SLC39A12: variants seen among roughly 807,000 people sequenced by gnomAD.
SLC39A12 encodes solute carrier family 39 member 12, also known as zinc transporter ZIP12.
In SLC39A12, 63 loss-of-function variants were observed where a neutral mutation model predicts 71.1. The ratio of observed to expected loss-of-function variants is 0.89; its 90% CI spans 0.72 to 1.09. SLC39A12 has a LOEUF of 1.09. SLC39A12 is among the 50% of genes least tolerant of loss of function. SLC39A12 has a pLI of 0.00. For synonymous variants in SLC39A12, 351 were observed against 301.3 expected (o/e 1.16, Z -1.71); for missense variants, 892 against 812.6 (o/e 1.10, Z -1.19).
chr10:18,037,120 A>C (rs1837074655), intron 12 of SLC39A12, among the ~76,000 whole-genome samples: 2 of 151,756 alleles, frequency 1.3e-5, no homozygotes, highest in South Asian at 4.2e-4. Flanking sequence ...TCTTTCCAAA[A>C]TTTTTTGGAC....
chr10:17,986,480 A>T (rs1835400937), intron 6 of SLC39A12, among the ~76,000 whole-genome samples: 1 of 152,120 alleles, frequency 6.6e-6, no homozygotes, highest in Admixed American at 6.5e-5. Context: ...TGGTTCATGG[A>T]CTGGTGAAGG....
At chr10:18,040,555 A>C (rs1837194487) in intron 12 of SLC39A12, among the ~76,000 whole-genome samples, 2 of 152,230 alleles carry the variant, frequency 1.3e-5, no homozygotes, top group South Asian at 4.1e-4. Context: ...GGATCACCTG[A>C]GGTCAGGAGT....
chr10:17,961,913 A>G (rs1834702134), intron 3 of SLC39A12, 51 bp downstream of exon 3: 1 of 1,522,960 alleles, frequency 6.6e-7, no homozygotes, highest in Non-Finnish European at 8.8e-7. Context: ...ACAGTTCTAG[A>G]GCCTTATTGT....
chr10:18,005,990 G>C (rs1045785237), intron 12 of SLC39A12, among the ~76,000 whole-genome samples: 18 of 152,112 alleles, frequency 1.2e-4, no homozygotes, highest in East Asian at 3.8e-4. Context: ...TTTTCTCTGG[G>C]GCCATGCCAA....
Position 17,978,041 on chromosome 10 carries a change from A to G in SLC39A12, c.891A>G (p.Lys297=). 1 of 1,605,254 alleles carries G rather than the reference A, an allele frequency of 6.2e-7. No individual in the cohort carries two copies. Among genetic ancestry groups the G allele is most frequent in the African/African-American group, 1.3e-5 (1 of 74,496 alleles). The change falls in exon 5 of 13, where the codon AAA becomes AAG. Residue 297 remains lysine, a synonymous_variant. Coordinates refer to ENST00000377369, the MANE Select transcript of SLC39A12 (RefSeq NM_001145195.2). ...DYSNFSSSME[K]ESEDGPVSWD... is the part of the protein sequence containing the mutation. ...CTAATTTCTCTTCATCCATGGAAAA[A>G]GAGTCTGAGGATGGTCCAGTTTCCT...
At chr10:18,011,009 T>C (rs1413556084) in intron 12 of SLC39A12, among the ~76,000 whole-genome samples, 1 of 152,204 alleles carries the variant, frequency 6.6e-6, no homozygotes, top group Non-Finnish European at 1.5e-5. Flanking sequence ...TTCGTTTCTC[T>C]TTTCTTCTTT....
intron 7 of SLC39A12, among the ~76,000 whole-genome samples, chr10:17,990,159 C>G (rs769024220): frequency 6.6e-6 from 1 of 152,000 alleles, no homozygotes; most frequent in South Asian, 2.1e-4. Flanking sequence ...TACAAATGTT[C>G]CCTATTTTGT....
chr10:18,030,196 T>C (rs1836799203), intron 12 of SLC39A12, among the ~76,000 whole-genome samples: 2 of 152,176 alleles, frequency 1.3e-5, no homozygotes, highest in Admixed American at 6.5e-5. Flanking sequence ...AGAATCTCCT[T>C]GAACTTTTTT....
chr10:17,977,800 G>T (rs1232123616), intron 4 of SLC39A12, 102 bp from the exon 5 acceptor site: 4 of 904,328 alleles, frequency 4.4e-6, no homozygotes, highest in Non-Finnish European at 4.6e-6. Flanking sequence ...AAAATGATAA[G>T]AATTCTTTGT....
chr10:18,030,112 G>T (rs2497782), intron 12 of SLC39A12, among the ~76,000 whole-genome samples: 1 of 151,290 alleles, frequency 6.6e-6, no homozygotes, highest in East Asian at 1.9e-4. Flanking sequence ...GTTTCTCACC[G>T]AATTGATTTA....
rs780672265 is a variant in SLC39A12 at position 17,987,576 on chromosome 10, G to T, written c.1194G>T (p.Arg398Ser). 1 of 1,614,132 alleles carries T rather than the reference G, an allele frequency of 6.2e-7. No homozygotes were observed. Among genetic ancestry groups the T allele is most frequent in the South Asian group, 1.1e-5 (1 of 91,072 alleles). The change falls in exon 7 of 13, where the codon AGG becomes AGT. Residue 398 changes from arginine to serine, a missense_variant. Coordinates refer to ENST00000377369, the MANE Select transcript of SLC39A12 (RefSeq NM_001145195.2). The stretch of plus-strand genomic sequence containing the variant: ...TCCATAGCTGTGAGGAGAACTACAG[G>T]CTTATCTTACAGCTGTTTGTGGGCT... ...VLFHSCEENY[R>S]LILQLFVGLA...
chr10:18,036,773 TATATATA>T (rs1837046871), intron 12 of SLC39A12, among the ~76,000 whole-genome samples: 4 of 24,142 alleles, frequency 1.7e-4, no homozygotes, highest in African/African-American at 5.8e-4. Flanking sequence ...TATATATATA[TATATATA>T]TATATATATA....
rs1403757726 is a variant in SLC39A12, at chr10:17,987,471, T to G, written c.1097-8T>G. ...CACTGACTGTGTTTACGATCTCCTT[T>G]GACTTAGAATACGGCTACAGCACGG... On this transcript the variant is annotated splice_polypyrimidine_tract_variant and splice_region_variant and intron_variant, in intron 6 of 12. Transcript: ENST00000377369. 1 of 1,613,144 alleles carries G rather than the reference T, an allele frequency of 6.2e-7. No homozygotes were observed. Among genetic ancestry groups the G allele is most frequent in the African/African-American group, 1.3e-5 (1 of 74,918 alleles).
At chr10:18,000,286 A>C (rs1046191017) in intron 10 of SLC39A12, among the ~76,000 whole-genome samples, 10 of 152,230 alleles carry the variant, frequency 6.6e-5, no homozygotes, top group Non-Finnish European at 1.3e-4. Flanking sequence ...ACAAACATTT[A>C]GTCTATAGCA....
intron 1 of SLC39A12, among the ~76,000 whole-genome samples, 182 bp from the exon 2 acceptor site, chr10:17,953,009 G>A (rs1434527957): frequency 6.6e-5 from 10 of 152,170 alleles, no homozygotes; most frequent in African/African-American, 2.2e-4. Context: ...TGGCTGCTGT[G>A]CAGTTTGAAA....
intron 4 of SLC39A12, among the ~76,000 whole-genome samples, chr10:17,973,578 G>A (rs1482226948): frequency 2.0e-5 from 3 of 152,106 alleles, no homozygotes; most frequent in Non-Finnish European, 2.9e-5. Context: ...TGGCCTGTAA[G>A]TTTTCCACTG....
chr10:18,002,912 T>C (rs1399602414), intron 11 of SLC39A12: 9 of 325,792 alleles, frequency 2.8e-5, no homozygotes, highest in Non-Finnish European at 1.1e-5. Context: ...CTCAAGAATA[T>C]GTCACAGACC....
At chr10:18,025,799 G>A (rs1221800251) in intron 12 of SLC39A12, among the ~76,000 whole-genome samples, 1 of 152,130 alleles carries the variant, frequency 6.6e-6, no homozygotes, top group Non-Finnish European at 1.5e-5. Context: ...AGCTCCCTGA[G>A]GAATCACCAC....
chr10:17,971,438 A>T (rs1319423885), intron 4 of SLC39A12, among the ~76,000 whole-genome samples: 2 of 151,800 alleles, frequency 1.3e-5, no homozygotes, highest in East Asian at 1.9e-4. Context: ...TGTTTGGTAG[A>T]ATTCAGCAGT....
Sources: gnomAD v4.1 joint callset for allele counts (sites outside exome capture counted in the v4.1 genomes callset) on GRCh38, gnomAD v4.1.1 for gene constraint, MANE v1.5 for transcripts, NCBI Gene and HGNC (gene_info 2026-07-23, HGNC 2026-07-21) for gene names.